Variants in KLHL29 observed in about 807,000 individuals in gnomAD.
The protein encoded by KLHL29 is kelch-like protein 29.
A neutral mutation model predicts 80.4 loss-of-function variants in KLHL29; 21 were observed. The ratio of observed to expected loss-of-function variants is 0.26; its 90% CI spans 0.19 to 0.38. KLHL29 has a LOEUF of 0.38. KLHL29 is among the 10% of genes least tolerant of loss of function. KLHL29 has a pLI of 1.00. For missense variants in KLHL29, 867 were observed against 1,223.9 expected, an observed-to-expected ratio of 0.71 and a Z score of 4.35; for synonymous variants, 511 against 526.8, an observed-to-expected ratio of 0.97 and a Z score of 0.41.
chr2:23,463,183 C>T (rs1254252049), intron 1 of KLHL29, among the ~76,000 whole-genome samples: 1 of 149,832 alleles, frequency 6.7e-6, no homozygotes, highest in African/African-American at 2.5e-5. Context: ...TTAGACCTTC[C>T]CTGGGAATTC....
At chr2:23,632,533 A>G (rs1253246950) in intron 3 of KLHL29, among the ~76,000 whole-genome samples, 4 of 152,274 alleles carry the variant, frequency 2.6e-5, no homozygotes, top group African/African-American at 4.8e-5. Flanking sequence ...TTTGCAGGCA[A>G]TGGCCTGCCC....
At chr2:23,577,890 G>A (rs1482941759) in intron 3 of KLHL29, among the ~76,000 whole-genome samples, 1 of 152,180 alleles carries the variant, frequency 6.6e-6, no homozygotes, top group Admixed American at 6.5e-5. Context: ...TAGGGCAGAA[G>A]CAGGCAGATG....
Position 23,580,934 on chromosome 2 carries a change from C to T in KLHL29, c.285+18453C>T, listed in dbSNP as rs557453483. 8.9e-4 allele frequency among the ~76,000 whole-genome samples: 136 copies of T among 152,232 alleles called. 1 individual carries two copies. Among genetic ancestry groups the T allele is most frequent in the African/African-American group, 3.2e-3 (131 of 41,534 alleles). On this transcript the variant is annotated intron_variant, in intron 3 of 13. Transcript: ENST00000486442. Reference sequence around the variant, plus strand: ...AGGAGGTTGCAGTGAGCCGAGATCACGCCACTGCACTCCAGCCTGGTGACA... The same window carrying T: ...AGGAGGTTGCAGTGAGCCGAGATCATGCCACTGCACTCCAGCCTGGTGACA...
At chr2:23,534,236 G>A (rs1007053400) in intron 2 of KLHL29, among the ~76,000 whole-genome samples, 14 of 152,138 alleles carry the variant, frequency 9.2e-5, no homozygotes, top group African/African-American at 3.1e-4. Flanking sequence ...AACCTGGGAA[G>A]TCACTTGGCC....
chr2:23,627,768 G>A (rs1669354895), intron 3 of KLHL29, among the ~76,000 whole-genome samples: 1 of 152,128 alleles, frequency 6.6e-6, no homozygotes, highest in Non-Finnish European at 1.5e-5. Context: ...TCGACTCCAT[G>A]CTCTGGGAGT....
intron 3 of KLHL29, among the ~76,000 whole-genome samples, chr2:23,623,285 G>A (rs1289810943): frequency 6.6e-6 from 1 of 152,142 alleles, no homozygotes; most frequent in African/African-American, 2.4e-5. Context: ...GTGCTGGCCT[G>A]TCCCCTGCAA....
intron 11 of KLHL29, chr2:23,697,564 T>G (rs2149215806): frequency 6.6e-6 from 1 of 152,334 alleles, no homozygotes; most frequent in Non-Finnish European, 1.5e-5. Flanking sequence ...CAATTTGTAT[T>G]TTTCCCCCTT....
At chr2:23,664,463 T>C (rs1388507271) in intron 5 of KLHL29, among the ~76,000 whole-genome samples, 1 of 152,216 alleles carries the variant, frequency 6.6e-6, no homozygotes, top group Non-Finnish European at 1.5e-5. Flanking sequence ...TTTGTTCCTG[T>C]CTCTGGATTC....
chr2:23,691,528 C>T, intron 6 of KLHL29, 146 bp from the exon 7 acceptor site: 1 of 637,576 alleles, frequency 1.6e-6, no homozygotes, highest in African/African-American at 1.8e-5. Flanking sequence ...CGTGTCACAG[C>T]ATTAGGTTCA....
At position 23,696,161 on chromosome 2, in the gene KLHL29, C is replaced by T; in HGVS notation, c.1924+28C>T. ...GAGGCCCCCCGGGGTTGGGGCGGGA[C>T]CAGGCATGGGGGTCCCAAGGGGACT... On this transcript the variant is annotated intron_variant, in intron 10 of 13. Transcript: ENST00000486442. The surrounding 1 kb of genome is among the most constrained non-coding windows in gnomAD (Gnocchi z 5.5). The T allele has an allele frequency of 1.3e-6, 2 of 1,543,878 alleles. No individual in the cohort carries two copies. The highest frequency in any genetic ancestry group is 1.8e-6 in the Non-Finnish European group (2 of 1,142,170).
chr2:23,438,803 A>G (rs1663423327), intron 1 of KLHL29, among the ~76,000 whole-genome samples: 1 of 152,142 alleles, frequency 6.6e-6, no homozygotes, highest in Non-Finnish European at 1.5e-5. Context: ...AGGCTTTGGT[A>G]TCAGGATGAT....
chr2:23,479,547 C>T (rs1430028005), intron 2 of KLHL29, among the ~76,000 whole-genome samples: 1 of 151,980 alleles, frequency 6.6e-6, no homozygotes, highest in Non-Finnish European at 1.5e-5. Context: ...TATCCCCAGC[C>T]CTCCCTCCAC....
chr2:23,628,776 A>T (rs1298204676), intron 3 of KLHL29, among the ~76,000 whole-genome samples: 1 of 152,002 alleles, frequency 6.6e-6, no homozygotes, highest in Non-Finnish European at 1.5e-5. Flanking sequence ...TGTACAGGGG[A>T]CTTTTCCTCA....
At chr2:23,572,487 C>T (rs1420688094) in intron 3 of KLHL29, among the ~76,000 whole-genome samples, 2 of 152,126 alleles carry the variant, frequency 1.3e-5, no homozygotes, top group South Asian at 2.1e-4. Context: ...TATGAGGCAG[C>T]GAACTCTGTA....
intron 1 of KLHL29, among the ~76,000 whole-genome samples, chr2:23,470,222 C>T (rs1219849732): frequency 2.6e-5 from 4 of 152,150 alleles, no homozygotes; most frequent in Non-Finnish European, 4.4e-5. Context: ...TGTGCTGGCC[C>T]AACAGGAAGC....
chr2:23,621,312 C>T (rs1350326628), intron 3 of KLHL29, among the ~76,000 whole-genome samples: 5 of 152,248 alleles, frequency 3.3e-5, no homozygotes, highest in African/African-American at 9.6e-5. Flanking sequence ...TGACTTCCAT[C>T]TGCTGATTCT....
At chr2:23,466,688 G>T (rs1186574847) in intron 1 of KLHL29, among the ~76,000 whole-genome samples, 1 of 152,140 alleles carries the variant, frequency 6.6e-6, no homozygotes, top group African/African-American at 2.4e-5. Flanking sequence ...AGAATCTACA[G>T]GTATCTTTGT....
rs142485713 is a variant in KLHL29, at chr2:23,605,176, G to A, written c.286-33963G>A. 1.4e-4 allele frequency among the ~76,000 whole-genome samples: 19 copies of A among 134,044 alleles called. No homozygotes were observed. In the East Asian group the frequency reaches 3.8e-3, roughly 27 times the overall value. The allele number at this position is 134,044 out of a possible 152,430, so 87.9% of individuals were successfully genotyped here. A position where few individuals can be genotyped will look rare whatever the true frequency, so the allele number is the denominator to read the frequency against. On this transcript the variant is annotated intron_variant, in intron 3 of 13. Transcript: ENST00000486442. ...ACCCAGATTGCAGTGCAGTGGCACC[G>A]TCTCAGCTCACTACAACCTCCGCTT... is the stretch of plus-strand genomic sequence containing the variant.
At chr2:23,422,811 G>A (rs1010230028) in intron 1 of KLHL29, among the ~76,000 whole-genome samples, 1 of 152,188 alleles carries the variant, frequency 6.6e-6, no homozygotes, top group Non-Finnish European at 1.5e-5. Context: ...TGTGCAGTCT[G>A]CATGTGCAGG....
Sources: gnomAD v4.1 joint callset for allele counts (sites outside exome capture counted in the v4.1 genomes callset) on GRCh38, gnomAD v4.1.1 for gene constraint, Gnocchi (gnomAD v3.1) non-coding constraint, MANE v1.5 for transcripts, NCBI Gene and HGNC (gene_info 2026-07-23, HGNC 2026-07-21) for gene names.